DSC2: variants seen among roughly 807,000 people sequenced by gnomAD.
The protein encoded by DSC2 is desmocollin-2.
A neutral mutation model predicts 87.6 loss-of-function variants in DSC2; 51 were observed. The observed-to-expected ratio is 0.58, with a 90% confidence interval of 0.46 to 0.74. DSC2 has a LOEUF of 0.74. Among genes scored for constraint, DSC2 ranks in the 30% least tolerant of loss-of-function variants. DSC2 has a pLI of 0.00. For synonymous variants in DSC2, 383 were observed against 393.2 expected (o/e 0.97, Z 0.31); for missense variants, 1,066 against 1,089.5 (o/e 0.98, Z 0.30).
At position 31,094,698 on chromosome 18, in the gene DSC2, T is replaced by C. The variant is rs181499557; in HGVS notation, c.70-1055A>G. On this transcript the variant is annotated intron_variant, in intron 1 of 15. Transcript: ENST00000280904. ...GGAAATGTTTATTTTTAATATATAT[T>C]AAAGACTTAAATTATCCAGTTTTAA... is the stretch of plus-strand genomic sequence containing the variant. 2.0e-4 allele frequency among the ~76,000 whole-genome samples: 30 copies of C among 152,334 alleles called. 1 individual carries two copies. Among genetic ancestry groups the C allele is most frequent in the Admixed American group, 1.0e-3 (16 of 15,300 alleles).
Position 31,087,695 on chromosome 18 carries a change from AAAGTAT to A in DSC2, c.743_748del (p.Tyr248_Thr249del), listed in dbSNP as rs776784065. On this transcript the variant is annotated inframe_deletion, in exon 6 of 16. Coordinates refer to ENST00000280904, the MANE Select transcript of DSC2 (RefSeq NM_024422.6). Reference sequence around the variant, plus strand: ...CACTCTGCAATTTTCAAAAATTGTAAAAGTATAAGTTTCTTCTGTAAAAATTGGGTA... The same window carrying A: ...CACTCTGCAATTTTCAAAAATTGTAAAAGTTTCTTCTGTAAAAATTGGGTA... The A allele has an allele frequency of 1.2e-6, 2 of 1,613,166 alleles. No homozygotes were observed. Among genetic ancestry groups the A allele is most frequent in the African/African-American group, 2.7e-5 (2 of 74,912 alleles).
rs766881629 is a variant in DSC2, at chr18:31,068,964, T to G, written c.2438A>C (p.His813Pro). Residue 813 changes from histidine to proline, a missense_variant, in exon 15 of 16, where the codon CAC becomes CCC. His to Pro is a moderately conservative substitution (Grantham distance 77). Transcript: ENST00000280904. ...GTATCTGCAGTTGTCCACCTCCGTG[T>G]GTCCTCCCCTGCAGGAGTCCAGGGT... is the stretch of plus-strand genomic sequence containing the variant. ...HHTLDSCRGG[H>P]TEVDNCRYTY... is the part of the protein sequence containing the mutation. 5 of 1,614,002 alleles carry G rather than the reference T, an allele frequency of 3.1e-6. No individual in the cohort carries two copies. In the Middle Eastern group the frequency reaches 6.6e-4, roughly 212 times the overall value.
Position 31,080,242 on chromosome 18 carries a change from A to T in DSC2, c.1374T>A (p.Val458=), listed in dbSNP as rs1295460147. 6.2e-7 allele frequency: 1 copy of T among 1,614,044 alleles called. No individual in the cohort carries two copies. The highest frequency in any genetic ancestry group is 1.6e-4 in the Middle Eastern group (1 of 6,062). ...SPRSAMSTAT[V]TVNVEDQDEG... is the part of the protein sequence containing the mutation. ...CATCCTGATCTTCTACATTAACAGT[A>T]ACTGTTGCTGTGCTCATGGCTGATC... Residue 458 remains valine (V), a synonymous_variant, in exon 10 of 16, where the codon GTT becomes GTA. Transcript: ENST00000280904.
Position 31,082,187 on chromosome 18 carries a change from T to C in DSC2, c.1263+51A>G, listed in dbSNP as rs570036822. ...CCTTTCTTTCCATTAAATTCTAGCA[T>C]GCTATTCTATGATATTATAAACTAC... On this transcript the variant is annotated intron_variant, in intron 9 of 15. Transcript: ENST00000280904. 15 of 1,523,758 alleles carry C rather than the reference T, an allele frequency of 9.8e-6. No homozygotes were observed. The South Asian group carries it at 1.5e-4, about 15-fold the overall frequency. The allele number at this position is 1,523,758 out of a possible 1,614,324, so 94.4% of individuals were successfully genotyped here. A position where few individuals can be genotyped will look rare whatever the true frequency, so the allele number is the denominator to read the frequency against.
intron 11 of DSC2, among the ~76,000 whole-genome samples, chr18:31,076,314 G>A (rs1987016279): frequency 6.6e-6 from 1 of 152,234 alleles, no homozygotes; most frequent in South Asian, 2.1e-4. Context: ...CAGAGAAAGA[G>A]CAGGTGAAGG....
chr18:31,079,454 C>A (rs1598580056), intron 11 of DSC2, among the ~76,000 whole-genome samples: 1 of 152,162 alleles, frequency 6.6e-6, no homozygotes, highest in East Asian at 1.9e-4. Flanking sequence ...GGGATTTCAC[C>A]ATGTTGGCCA....
rs201257525 is a variant in DSC2, at chr18:31,067,249, T to C, written c.*766A>G. 8.7e-6 allele frequency: 1 copy of C among 115,106 alleles called. No individual in the cohort carries two copies. Among genetic ancestry groups the C allele is most frequent in the African/African-American group, 4.2e-5 (1 of 24,004 alleles). The allele number at this position is 115,106 out of a possible 1,614,324, so 7.1% of individuals were successfully genotyped here. On this transcript the variant is annotated 3_prime_UTR_variant, in exon 16 of 16. Coordinates refer to ENST00000280904, the MANE Select transcript of DSC2 (RefSeq NM_024422.6). The stretch of plus-strand genomic sequence containing the variant: ...TTGGATTCTTTAGCCCATATGGAAA[T>C]TAAAAAAAAAAAAAAAACTGGAGAG...
At chr18:31,095,278 C>T (rs1402956255) in intron 1 of DSC2, among the ~76,000 whole-genome samples, 3 of 152,130 alleles carry the variant, frequency 2.0e-5, no homozygotes, top group Admixed American at 2.0e-4. Context: ...CAGCAGAGCA[C>T]AGCGAGGGAA....
At chr18:31,101,461 C>A (rs1467972328) in intron 1 of DSC2, 1 of 187,046 alleles carries the variant, frequency 5.3e-6, no homozygotes, top group African/African-American at 2.4e-5. Context: ...CCGCACGTTC[C>A]CGAGGCACAG....
At chr18:31,082,195 T>G (rs1567977756) in intron 9 of DSC2, 43 bp downstream of exon 9, 1 of 1,557,252 alleles carries the variant, frequency 6.4e-7, no homozygotes, top group Admixed American at 1.7e-5. Flanking sequence ...CATGCTATTC[T>G]ATGATATTAT....
chr18:31,067,830 T>A lies in DSC2; in HGVS notation c.*185A>T, dbSNP rs147458812. On this transcript the variant is annotated 3_prime_UTR_variant, in exon 16 of 16. Coordinates refer to ENST00000280904, the MANE Select transcript of DSC2 (RefSeq NM_024422.6). ...TAAGTAATTTAAAAATATGTAAAAA[T>A]TGAAAAATTTGTGTACTTGTTTATA... 1.7e-6 allele frequency: 1 copy of A among 600,964 alleles called. No individual in the cohort carries two copies. Among genetic ancestry groups the A allele is most frequent in the South Asian group, 2.1e-5 (1 of 46,906 alleles). The allele number at this position is 600,964 out of a possible 1,614,324, so 37.2% of individuals were successfully genotyped here.
chr18:31,078,741 C>T (rs940507478), intron 11 of DSC2, among the ~76,000 whole-genome samples: 23 of 152,096 alleles, frequency 1.5e-4, no homozygotes, highest in African/African-American at 5.3e-4. Flanking sequence ...ATACATAAAT[C>T]ATCTTCCAAA....
In DSC2 at chr18:31,082,428, A is replaced by C. The variant is rs1174866841; in HGVS notation, c.1078-5T>G. ...TTCTTCCACTGATGTCACATACTAA[A>C]ATAATAAAAGCAAACAAAAAATTTC... On this transcript the variant is annotated splice_region_variant and splice_polypyrimidine_tract_variant and intron_variant, in intron 8 of 15. Transcript: ENST00000280904. 1 of 1,612,522 alleles carries C rather than the reference A, an allele frequency of 6.2e-7. No homozygotes were observed. The highest frequency in any genetic ancestry group is 1.1e-5 in the South Asian group (1 of 91,062).
rs778841323 is a variant in DSC2, at chr18:31,068,973, C to G, written c.2429G>C (p.Arg810Thr). Residue 810 changes from arginine to threonine, a missense_variant, in exon 15 of 16, where the codon AGG (arginine) becomes ACG (threonine). Transcript: ENST00000280904. ...AGHHHTLDSC[R>T]GGHTEVDNCR... ...GTTGTCCACCTCCGTGTGTCCTCCC[C>G]TGCAGGAGTCCAGGGTGTGATGGTG... is the stretch of plus-strand genomic sequence containing the variant. 1 of 1,613,972 alleles carries G rather than the reference C, an allele frequency of 6.2e-7. No individual in the cohort carries two copies. The highest frequency in any genetic ancestry group is 8.5e-7 in the Non-Finnish European group (1 of 1,180,012).
At chr18:31,086,551 C>T in intron 7 of DSC2, 25 bp downstream of exon 7, 1 of 1,613,772 alleles carries the variant, frequency 6.2e-7, no homozygotes, top group Non-Finnish European at 8.5e-7. Context: ...ACGTTATAAT[C>T]AGGTTTTATT....
chr18:31,079,175 C>G lies in DSC2; in HGVS notation c.1663+672G>C, dbSNP rs545921825. Among the ~76,000 whole-genome samples the G allele has an allele frequency of 5.9e-5, 9 of 152,290 alleles. 1 individual carries two copies. In the South Asian group the frequency reaches 1.9e-3, roughly 32 times the overall value. ...ACTGCACTATGTAAGTATGTTCTCA[C>G]TTTCCTACAAAGTGAACACTTTAAG... On this transcript the variant is annotated intron_variant, in intron 11 of 15. Transcript: ENST00000280904.
In DSC2 at chr18:31,082,406, T is replaced by A. The variant is rs763335007; in HGVS notation, c.1095A>T (p.Glu365Asp). 1.9e-6 allele frequency: 3 copies of A among 1,613,552 alleles called. No individual in the cohort carries two copies. In the Admixed American group the frequency reaches 5.0e-5, roughly 27 times the overall value. Reference protein sequence around the residue: ...FTRTSYVTSVEENTVDVEILR... With the variant: ...FTRTSYVTSVDENTVDVEILR... ...AGATTTCCACATCAACTGTATTTTC[T>A]TCCACTGATGTCACATACTAAAATA... Residue 365 changes from glutamate (E) to aspartate (D), a missense_variant, in exon 9 of 16, where the codon GAA (glutamate) becomes GAT (aspartate). Coordinates refer to ENST00000280904, the MANE Select transcript of DSC2 (RefSeq NM_024422.6).
intron 1 of DSC2, among the ~76,000 whole-genome samples, chr18:31,096,389 G>A (rs977514222): frequency 6.6e-6 from 1 of 152,178 alleles, no homozygotes; most frequent in Non-Finnish European, 1.5e-5. Context: ...ACTCTGCTTT[G>A]CTGGCCTCTG....
intron 12 of DSC2, among the ~76,000 whole-genome samples, chr18:31,072,117 T>G (rs1290419085): frequency 6.6e-6 from 1 of 152,224 alleles, no homozygotes; most frequent in African/African-American, 2.4e-5. Context: ...AAACAAATCC[T>G]TCCTATCACA....
Sources: allele counts gnomAD v4.1 joint callset (sites outside exome capture counted in the v4.1 genomes callset), GRCh38; gene constraint gnomAD v4.1.1; transcripts MANE v1.5; gene names NCBI Gene and HGNC (gene_info 2026-07-23, HGNC 2026-07-21).